The following LRRIQ3 variants were observed in gnomAD, a reference collection of about 807,000 sequenced individuals.
LRRIQ3 encodes leucine-rich repeat and IQ domain-containing protein 3.
Under a neutral mutation model 59.3 loss-of-function variants are expected in LRRIQ3, and 75 were observed. The ratio of observed to expected loss-of-function variants is 1.26; its 90% confidence interval spans 1.05 to 1.53. The LOEUF is 1.53. LRRIQ3 is among the 40% of genes most tolerant of loss of function. LRRIQ3 has a pLI of 0.00. For synonymous variants in LRRIQ3, 250 were observed against 231.3 expected, an observed-to-expected ratio of 1.08 and a Z score of -0.73; for missense variants, 831 against 710.0, an observed-to-expected ratio of 1.17 and a Z score of -1.94.
intron 3 of LRRIQ3, among the ~76,000 whole-genome samples, chr1:74,160,615 T>G (rs1648605644): frequency 6.6e-6 from 1 of 152,082 alleles, no homozygotes. Flanking sequence ...TAACTTTATG[T>G]ATTTATTCTC....
intron 7 of LRRIQ3, among the ~76,000 whole-genome samples, chr1:74,036,398 C>T (rs1005908376): frequency 6.6e-6 from 1 of 152,060 alleles, no homozygotes; most frequent in African/African-American, 2.4e-5. Context: ...TCTTTTTGTT[C>T]CAATCATACT....
intron 5 of LRRIQ3, among the ~76,000 whole-genome samples, chr1:74,085,912 A>G (rs965268913): frequency 1.3e-5 from 2 of 152,042 alleles, no homozygotes; most frequent in Non-Finnish European, 2.9e-5. Context: ...TAATAATGGA[A>G]TCTCTCACAA....
At position 74,158,157 on chromosome 1, in the gene LRRIQ3, T is replaced by C. The variant is rs191222812; in HGVS notation, c.574-2291A>G. 5.9e-5 allele frequency among the ~76,000 whole-genome samples: 9 copies of C among 152,276 alleles called. No homozygotes were observed. The East Asian group carries it at 1.7e-3, about 29-fold the overall frequency. On this transcript the variant is annotated intron_variant, in intron 3 of 7. Transcript: ENST00000354431. The stretch of plus-strand genomic sequence containing the variant: ...CTATTTTCTGCCATTGCTTTTCCTA[T>C]GTCTTTAACACCACTTCCGTAACTT...
In LRRIQ3 at chr1:74,165,400, G is replaced by T. The variant is rs183013630; in HGVS notation, c.574-9534C>A. ...AAATTTTGGCTTCCATGTGTTCATT[G>T]CTAGTATATAGAAATATAATTTTTG... On this transcript the variant is annotated intron_variant, in intron 3 of 7. Coordinates refer to ENST00000354431, the MANE Select transcript of LRRIQ3 (RefSeq NM_001105659.2). Among the ~76,000 whole-genome samples, 7 of 151,556 alleles carry T rather than the reference G, an allele frequency of 4.6e-5. No individual in the cohort carries two copies. The East Asian group carries it at 1.4e-3, about 29-fold the overall frequency.
At chr1:74,097,975 T>G (rs942534820) in intron 5 of LRRIQ3, among the ~76,000 whole-genome samples, 1 of 152,114 alleles carries the variant, frequency 6.6e-6, no homozygotes, top group African/African-American at 2.4e-5. Context: ...AGACCATCGA[T>G]GCTAGGAAGA....
At chr1:74,040,672 A>G (rs754490251) in intron 7 of LRRIQ3, among the ~76,000 whole-genome samples, 2 of 152,222 alleles carry the variant, frequency 1.3e-5, no homozygotes, top group Non-Finnish European at 2.9e-5. Context: ...GAAATTGAAC[A>G]ACATGCTCCT....
At chr1:74,101,611 T>C (rs1646534254) in intron 5 of LRRIQ3, among the ~76,000 whole-genome samples, 1 of 152,160 alleles carries the variant, frequency 6.6e-6, no homozygotes, top group Non-Finnish European at 1.5e-5. Context: ...CATGCACATG[T>C]ATGTTTATTG....
At chr1:74,069,578 A>C (rs1386478622) in intron 6 of LRRIQ3, among the ~76,000 whole-genome samples, 1 of 152,074 alleles carries the variant, frequency 6.6e-6, no homozygotes, top group African/African-American at 2.4e-5. Context: ...CTATTATTAC[A>C]AACTAGCTAA....
At chr1:74,033,687 C>A (rs552669829) in intron 7 of LRRIQ3, among the ~76,000 whole-genome samples, 62 of 151,908 alleles carry the variant, frequency 4.1e-4, no homozygotes, top group Non-Finnish European at 7.4e-4. Context: ...TGGAAGTTAA[C>A]AATGATTATG....
chr1:74,100,932 G>C lies in LRRIQ3; in HGVS notation c.867+8462C>G, dbSNP rs564312849. Among the ~76,000 whole-genome samples, 4 of 152,172 alleles carry C rather than the reference G, an allele frequency of 2.6e-5. No individual in the cohort carries two copies. The East Asian group carries it at 7.7e-4, about 29-fold the overall frequency. On this transcript the variant is annotated intron_variant, in intron 5 of 7. Coordinates refer to ENST00000354431, the MANE Select transcript of LRRIQ3 (RefSeq NM_001105659.2). ...TTCAAGATGGATTAAAGACTTAAAT[G>C]TTAGACCTAAAACCATAAAAACCCT...
At chr1:74,148,906 A>G (rs1647746692) in intron 4 of LRRIQ3, among the ~76,000 whole-genome samples, 2 of 152,202 alleles carry the variant, frequency 1.3e-5, no homozygotes, top group Admixed American at 1.3e-4. Context: ...CAATTGGCTT[A>G]TAATAGGCAC....
Position 74,041,891 on chromosome 1 carries a change from G to T in LRRIQ3, c.1040C>A (p.Thr347Asn). 8 of 1,606,318 alleles carry T rather than the reference G, an allele frequency of 5.0e-6. No individual in the cohort carries two copies. The highest frequency in any genetic ancestry group is 6.8e-6 in the Non-Finnish European group (8 of 1,175,594). The change falls in exon 7 of 8, where the codon ACC becomes AAC. Residue 347 changes from threonine to asparagine, a missense_variant. Transcript: ENST00000354431. ...EDEIVDEKLD[T>N]SFRISVFKLP... Reference sequence around the variant, plus strand: ...TTTGAAAACTGATATCCTAAAACTGGTATCCAATTTTTCATCCACAATTTC... The same window carrying T: ...TTTGAAAACTGATATCCTAAAACTGTTATCCAATTTTTCATCCACAATTTC...
At chr1:74,060,483 T>C (rs1654691538) in intron 6 of LRRIQ3, among the ~76,000 whole-genome samples, 2 of 152,096 alleles carry the variant, frequency 1.3e-5, no homozygotes, top group Non-Finnish European at 2.9e-5. Flanking sequence ...TGCTTACAGA[T>C]ATAAATTTCA....
intron 1 of LRRIQ3, among the ~76,000 whole-genome samples, chr1:74,193,079 C>G (rs1650872095): frequency 6.6e-6 from 1 of 152,090 alleles, no homozygotes; most frequent in Non-Finnish European, 1.5e-5. Context: ...TCCTCCTCTA[C>G]CAAGTTGGAA....
chr1:74,071,531 G>C (rs377616230), intron 6 of LRRIQ3, among the ~76,000 whole-genome samples: 2 of 152,268 alleles, frequency 1.3e-5, no homozygotes, highest in South Asian at 4.1e-4. Context: ...AGGGAAGAGA[G>C]GACCTAGAAA....
chr1:74,186,676 A>T (rs1265596817), intron 1 of LRRIQ3, among the ~76,000 whole-genome samples: 2 of 152,180 alleles, frequency 1.3e-5, no homozygotes, highest in Admixed American at 1.3e-4. Flanking sequence ...GGAAGAAATG[A>T]AATATTGGTT....
chr1:74,026,790 A>C lies in LRRIQ3; in HGVS notation c.*23T>G, dbSNP rs1178846435. ...ATAATGACTATAATTTAAGATGATC[A>C]TAGGATGTGATCTGGCATTGATTCA... is the stretch of plus-strand genomic sequence containing the variant. On this transcript the variant is annotated 3_prime_UTR_variant, in exon 8 of 8. Coordinates refer to ENST00000354431, the MANE Select transcript of LRRIQ3 (RefSeq NM_001105659.2). The C allele has an allele frequency of 1.3e-6, 2 of 1,571,814 alleles. No individual in the cohort carries two copies. The highest frequency in any genetic ancestry group is 8.6e-7 in the Non-Finnish European group (1 of 1,159,742).
intron 7 of LRRIQ3, among the ~76,000 whole-genome samples, chr1:74,039,187 G>A (rs957943016): frequency 3.9e-5 from 6 of 152,112 alleles, no homozygotes; most frequent in African/African-American, 1.2e-4. Context: ...GCATACACAA[G>A]TATCAACAGG....
chr1:74,171,963 TG>T (rs1411854417), intron 3 of LRRIQ3, among the ~76,000 whole-genome samples: 1 of 152,164 alleles, frequency 6.6e-6, no homozygotes. Context: ...TGGCATTAAT[TG>T]TAATGTCTCT....
Sources: allele counts gnomAD v4.1 joint callset (sites outside exome capture counted in the v4.1 genomes callset), GRCh38; gene constraint gnomAD v4.1.1; transcripts MANE v1.5; gene names NCBI Gene and HGNC (gene_info 2026-07-23, HGNC 2026-07-21).